The following KCNA5 variants were observed in gnomAD, a reference collection of about 807,000 sequenced individuals.
KCNA5 encodes the protein cardiac potassium channel.
KCNA5 carries 22 observed loss-of-function variants against 26.5 expected under a neutral mutation model. The observed-to-expected ratio is 0.83, with a 90% CI of 0.59 to 1.18. KCNA5 has a LOEUF of 1.18. Among genes scored for constraint, KCNA5 ranks in the 50% most tolerant of loss-of-function variants. The pLI is 0.00. For missense variants in KCNA5, 916 were observed against 843.2 expected, an observed-to-expected ratio of 1.09 and a Z score of -1.07; for synonymous variants, 465 against 372.8, an observed-to-expected ratio of 1.25 and a Z score of -2.85.
Position 5,044,563 on chromosome 12 carries a change from C to T in KCNA5, c.416C>T (p.Ala139Val). 5 of 1,613,958 alleles carry T rather than the reference C, an allele frequency of 3.1e-6. No individual in the cohort carries two copies. In the African/African-American group the frequency reaches 5.3e-5, roughly 17 times the overall value. ...LRFETQLGTL[A>V]QFPNTLLGDP... ...TTTGAGACGCAGCTGGGCACCCTGGCGCAGTTCCCCAACACACTCCTGGGG... is the reference window on the plus strand; with the variant it reads ...TTTGAGACGCAGCTGGGCACCCTGGTGCAGTTCCCCAACACACTCCTGGGG... Residue 139 changes from alanine to valine, a missense_variant, in exon 1 of 1, where the codon GCG becomes GTG. By Grantham distance (64) the Ala-to-Val change is moderately conservative. Transcript: ENST00000252321.
rs1483141253 is a variant in KCNA5 at position 5,044,969 on chromosome 12, G to A, written c.822G>A (p.Glu274=). ...IITFCLETLP[E]FRDERELLRH... ...CCTTCTGCTTGGAGACCCTGCCTGA[G>A]TTCAGGGATGAACGTGAGCTGCTCC... Residue 274 remains glutamate, a synonymous_variant, in exon 1 of 1, where the codon GAG becomes GAA. Transcript: ENST00000252321. The A allele has an allele frequency of 1.2e-6, 2 of 1,613,464 alleles. No individual in the cohort carries two copies. The highest frequency in any genetic ancestry group is 2.2e-5 in the East Asian group (1 of 44,768).
rs2137772784 is a variant in KCNA5 at position 5,045,082 on chromosome 12, T to TGGCACC, written c.937_942dup (p.Ala313_Pro314dup). 6.2e-7 allele frequency: 1 copy of TGGCACC among 1,613,116 alleles called. No individual in the cohort carries two copies. Among genetic ancestry groups the TGGCACC allele is most frequent in the East Asian group, 2.2e-5 (1 of 44,786 alleles). On this transcript the variant is annotated inframe_insertion, in exon 1 of 1. Coordinates refer to ENST00000252321, the MANE Select transcript of KCNA5 (RefSeq NM_002234.4). This position sits in a 1 kb window ranked among gnomAD's most constrained non-coding sequence, Gnocchi z 5.6. ...ATGGCCCCGCCCTCTGGCCCTACGG[T>TGGCACC]GGCACCGCTCCTGCCCAGGACCCTG...
rs1041575096 is a variant in KCNA5 at position 5,044,696 on chromosome 12, C to T, written c.549C>T (p.Gly183=). The T allele has an allele frequency of 9.9e-6, 16 of 1,614,158 alleles. No homozygotes were observed. Among genetic ancestry groups the T allele is most frequent in the Non-Finnish European group, 1.4e-5 (16 of 1,180,046 alleles). The stretch of plus-strand genomic sequence containing the variant: ...TCCTCTACTACTACCAGTCCGGGGG[C>T]CGCCTGCGGAGGCCGGTCAACGTCT... ...DGILYYYQSG[G]RLRRPVNVSL... is the part of the protein sequence containing the mutation. The change falls in exon 1 of 1, where the codon GGC becomes GGT. Residue 183 remains glycine (G), a synonymous_variant. Coordinates refer to ENST00000252321, the MANE Select transcript of KCNA5 (RefSeq NM_002234.4).
Position 5,044,110 on chromosome 12 carries a change from G to C in KCNA5, c.-38G>C. 1 of 1,532,304 alleles carries C rather than the reference G, an allele frequency of 6.5e-7. No homozygotes were observed. Among genetic ancestry groups the C allele is most frequent in the East Asian group, 2.4e-5 (1 of 40,844 alleles). 94.9% of individuals were successfully genotyped at this position (1,532,304 alleles called of 1,614,324 possible). ...AGCGTGAGTAGGGGGCGCGGGAGCCGGTCAGCTGGGGCGCAGCATGCCCTC... is the reference window on the plus strand; with the variant it reads ...AGCGTGAGTAGGGGGCGCGGGAGCCCGTCAGCTGGGGCGCAGCATGCCCTC... On this transcript the variant is annotated 5_prime_UTR_variant, in exon 1 of 1. Coordinates refer to ENST00000252321, the MANE Select transcript of KCNA5 (RefSeq NM_002234.4).
Position 5,045,196 on chromosome 12 carries a change from C to T in KCNA5, c.1049C>T (p.Ala350Val), listed in dbSNP as rs1372229102. ...CGCTTCTTCGCCTGCCCCAGCAAGGCAGGGTTCTCCCGGAACATCATGAAC... is the reference window on the plus strand; with the variant it reads ...CGCTTCTTCGCCTGCCCCAGCAAGGTAGGGTTCTCCCGGAACATCATGAAC... ...LVRFFACPSK[A>V]GFSRNIMNII... The change falls in exon 1 of 1, where the codon GCA becomes GTA. Residue 350 changes from alanine to valine, a missense_variant. Transcript: ENST00000252321. This position sits in a 1 kb window ranked among gnomAD's most constrained non-coding sequence, Gnocchi z 5.6. 6.2e-7 allele frequency: 1 copy of T among 1,614,098 alleles called. No individual in the cohort carries two copies. The highest frequency in any genetic ancestry group is 8.5e-7 in the Non-Finnish European group (1 of 1,180,050).
chr12:5,044,263 C>T lies in KCNA5; in HGVS notation c.116C>T (p.Thr39Met). 1 of 1,542,090 alleles carries T rather than the reference C, an allele frequency of 6.5e-7. No individual in the cohort carries two copies. Residue 39 changes from threonine (T) to methionine (M), a missense_variant, in exon 1 of 1, where the codon ACG becomes ATG. Transcript: ENST00000252321. Reference protein sequence around the residue: ...ATGGELQCPPTAGLSDGPKEP... With the variant: ...ATGGELQCPPMAGLSDGPKEP... ...GGGGGAGAGCTCCAGTGTCCCCCGA[C>T]GGCTGGGCTCAGCGATGGGCCCAAG...
Position 5,045,952 on chromosome 12 carries a change from C to T in KCNA5, c.1805C>T (p.Ala602Val). Residue 602 changes from alanine to valine, a missense_variant, in exon 1 of 1, where the codon GCC becomes GTC. Transcript: ENST00000252321. This position sits in a 1 kb window ranked among gnomAD's most constrained non-coding sequence, Gnocchi z 5.6. Reference protein sequence around the residue: ...SNVDLRRSLYALCLDTSRETD... With the variant: ...SNVDLRRSLYVLCLDTSRETD... ...GTGGACTTGCGGAGGTCCCTTTATG[C>T]CCTCTGCCTGGACACCAGCCGGGAA... The T allele has an allele frequency of 1.2e-6, 2 of 1,613,660 alleles. No individual in the cohort carries two copies. The highest frequency in any genetic ancestry group is 1.7e-6 in the Non-Finnish European group (2 of 1,180,028).
chr12:5,044,750 C>T lies in KCNA5; in HGVS notation c.603C>T (p.Arg201=). 6.2e-7 allele frequency: 1 copy of T among 1,614,172 alleles called. No homozygotes were observed. Among genetic ancestry groups the T allele is most frequent in the Non-Finnish European group, 8.5e-7 (1 of 1,180,040 alleles). Residue 201 remains arginine (R), a synonymous_variant, in exon 1 of 1, where the codon CGC becomes CGT. Transcript: ENST00000252321. ...VSLDVFADEI[R]FYQLGDEAME... is the part of the protein sequence containing the mutation. ...TGGACGTGTTCGCGGACGAGATACG[C>T]TTCTACCAGCTGGGGGACGAGGCCA...
chr12:5,044,117 T>G lies in KCNA5; in HGVS notation c.-31T>G, dbSNP rs1862740055. Reference sequence around the variant, plus strand: ...GTAGGGGGCGCGGGAGCCGGTCAGCTGGGGCGCAGCATGCCCTCTGCTCCC... The same window carrying G: ...GTAGGGGGCGCGGGAGCCGGTCAGCGGGGGCGCAGCATGCCCTCTGCTCCC... On this transcript the variant is annotated 5_prime_UTR_variant, in exon 1 of 1. Transcript: ENST00000252321. 2 of 1,533,078 alleles carry G rather than the reference T, an allele frequency of 1.3e-6. No homozygotes were observed. Among genetic ancestry groups the G allele is most frequent in the South Asian group, 2.4e-5 (2 of 83,934 alleles). 95.0% of individuals were successfully genotyped at this position (1,533,078 alleles called of 1,614,324 possible). A position where few individuals can be genotyped will look rare whatever the true frequency, so the allele number is the denominator to read the frequency against.
Position 5,045,850 on chromosome 12 carries a change from G to C in KCNA5, c.1703G>C (p.Gly568Ala), listed in dbSNP as rs71581017. The C allele has an allele frequency of 2.5e-6, 4 of 1,614,154 alleles. No homozygotes were observed. The highest frequency in any genetic ancestry group is 3.4e-6 in the Non-Finnish European group (4 of 1,180,008). ...GSRGSFCKAG[G>A]TLENADSARR... ...AGGGGATCCTTCTGCAAGGCTGGGG[G>C]GACCCTGGAGAATGCAGACAGTGCC... The change falls in exon 1 of 1, where the codon GGG (glycine) becomes GCG (alanine). Residue 568 changes from glycine to alanine, a missense_variant. Transcript: ENST00000252321. This position sits in a 1 kb window ranked among gnomAD's most constrained non-coding sequence, Gnocchi z 5.6.
At position 5,044,639 on chromosome 12, in the gene KCNA5, C is replaced by T. The variant is rs1862749939; in HGVS notation, c.492C>T (p.Phe164=). The change falls in exon 1 of 1, where the codon TTC becomes TTT. Residue 164 remains phenylalanine (F), a synonymous_variant. Coordinates refer to ENST00000252321, the MANE Select transcript of KCNA5 (RefSeq NM_002234.4). ...TCGACCCCCTGAGGAACGAGTACTT[C>T]TTCGACCGCAACCGGCCCAGCTTCG... The part of the protein sequence containing the change: ...RYFDPLRNEY[F]FDRNRPSFDG... The T allele has an allele frequency of 6.2e-7, 1 of 1,614,166 alleles. No individual in the cohort carries two copies. The highest frequency in any genetic ancestry group is 8.5e-7 in the Non-Finnish European group (1 of 1,180,048).
At position 5,046,584 on chromosome 12, in the gene KCNA5, GTC is replaced by G. The variant is rs1354098668; in HGVS notation, c.*597_*598del. The G allele has an allele frequency of 5.8e-6, 1 of 173,134 alleles. No homozygotes were observed. Among genetic ancestry groups the G allele is most frequent in the Non-Finnish European group, 1.4e-5 (1 of 71,360 alleles). 10.7% of individuals were successfully genotyped at this position (173,134 alleles called of 1,614,324 possible). A position where few individuals can be genotyped will look rare whatever the true frequency, so the allele number is the denominator to read the frequency against. On this transcript the variant is annotated 3_prime_UTR_variant, in exon 1 of 1. Coordinates refer to ENST00000252321, the MANE Select transcript of KCNA5 (RefSeq NM_002234.4). ...CTGTTTCCTGTGTCTCCAAGCCTCT[GTC>G]TTTTCTGGGATGTGGTATTGGTGCT... is the stretch of plus-strand genomic sequence containing the variant.
rs2137772258 is a variant in KCNA5, at chr12:5,044,791, A to G, written c.644A>G (p.Glu215Gly). The G allele has an allele frequency of 6.2e-7, 1 of 1,614,162 alleles. No individual in the cohort carries two copies. Among genetic ancestry groups the G allele is most frequent in the Non-Finnish European group, 8.5e-7 (1 of 1,180,028 alleles). Residue 215 changes from glutamate to glycine, a missense_variant, in exon 1 of 1, where the codon GAG becomes GGG. By Grantham distance (98) the Glu-to-Gly change is moderately conservative. Transcript: ENST00000252321. ...LGDEAMERFR[E>G]DEGFIKEEEK... ...GACGAGGCCATGGAGCGCTTCCGCG[A>G]GGATGAGGGCTTCATTAAAGAAGAG...
Position 5,045,190 on chromosome 12 carries a change from G to A in KCNA5, c.1043G>A (p.Ser348Asn), listed in dbSNP as rs755829081. Residue 348 changes from serine to asparagine, a missense_variant, in exon 1 of 1, where the codon AGC becomes AAC. Physicochemically the swap from Ser to Asn is conservative, Grantham distance 46. Transcript: ENST00000252321. This position sits in a 1 kb window ranked among gnomAD's most constrained non-coding sequence, Gnocchi z 5.6. ...ELLVRFFACP[S>N]KAGFSRNIMN... ...CTCGTGCGCTTCTTCGCCTGCCCCAGCAAGGCAGGGTTCTCCCGGAACATC... is the reference window on the plus strand; with the variant it reads ...CTCGTGCGCTTCTTCGCCTGCCCCAACAAGGCAGGGTTCTCCCGGAACATC... 1.2e-6 allele frequency: 2 copies of A among 1,614,202 alleles called. No individual in the cohort carries two copies. Among genetic ancestry groups the A allele is most frequent in the African/African-American group, 1.3e-5 (1 of 75,058 alleles).
chr12:5,044,821 A>G lies in KCNA5; in HGVS notation c.674A>G (p.Lys225Arg). ...GAGGGCTTCATTAAAGAAGAGGAGA[A>G]GCCCCTGCCCCGCAACGAGTTCCAG... ...EDEGFIKEEE[K>R]PLPRNEFQRQ... The change falls in exon 1 of 1, where the codon AAG becomes AGG. Residue 225 changes from lysine (K) to arginine (R), a missense_variant. By Grantham distance (26) the Lys-to-Arg change is conservative. Transcript: ENST00000252321. 1.2e-6 allele frequency: 2 copies of G among 1,614,072 alleles called. No homozygotes were observed. Among genetic ancestry groups the G allele is most frequent in the Non-Finnish European group, 1.7e-6 (2 of 1,180,024 alleles).
chr12:5,045,726 A>G lies in KCNA5; in HGVS notation c.1579A>G (p.Thr527Ala), dbSNP rs2137773768. The change falls in exon 1 of 1, where the codon ACG (threonine) becomes GCG (alanine). Residue 527 changes from threonine (T) to alanine (A), a missense_variant. By Grantham distance (58) the Thr-to-Ala change is moderately conservative (BLOSUM62 0). Coordinates refer to ENST00000252321, the MANE Select transcript of KCNA5 (RefSeq NM_002234.4). This position sits in a 1 kb window ranked among gnomAD's most constrained non-coding sequence, Gnocchi z 5.6. ...SNFNYFYHRE[T>A]DHEEPAVLKE... ...CTTCAACTACTTCTACCACCGGGAA[A>G]CGGATCACGAGGAGCCGGCAGTCCT... 1.2e-6 allele frequency: 2 copies of G among 1,614,108 alleles called. No individual in the cohort carries two copies. The highest frequency in any genetic ancestry group is 1.7e-6 in the Non-Finnish European group (2 of 1,180,020).
Position 5,045,212 on chromosome 12 carries a change from C to A in KCNA5, c.1065C>A (p.Asn355Lys). ...CCAGCAAGGCAGGGTTCTCCCGGAA[C>A]ATCATGAACATCATCGATGTGGTGG... ...ACPSKAGFSR[N>K]IMNIIDVVAI... Residue 355 changes from asparagine to lysine, a missense_variant, in exon 1 of 1, where the codon AAC (asparagine) becomes AAA (lysine). Transcript: ENST00000252321. The surrounding 1 kb of genome is among the most constrained non-coding windows in gnomAD (Gnocchi z 5.6). 6.2e-7 allele frequency: 1 copy of A among 1,614,230 alleles called. No homozygotes were observed. Among genetic ancestry groups the A allele is most frequent in the Non-Finnish European group, 8.5e-7 (1 of 1,180,040 alleles).
chr12:5,046,204 C>T lies in KCNA5; in HGVS notation c.*215C>T. 1 of 642,718 alleles carries T rather than the reference C, an allele frequency of 1.6e-6. No individual in the cohort carries two copies. The highest frequency in any genetic ancestry group is 1.8e-5 in the South Asian group (1 of 55,306). 39.8% of individuals were successfully genotyped at this position (642,718 alleles called of 1,614,324 possible). A position where few individuals can be genotyped will look rare whatever the true frequency, so the allele number is the denominator to read the frequency against. ...CCTATTTTTAAAAAGTACCACATTC[C>T]ATGACGCAGGAGCTGTGGAAATGGT... On this transcript the variant is annotated 3_prime_UTR_variant, in exon 1 of 1. Coordinates refer to ENST00000252321, the MANE Select transcript of KCNA5 (RefSeq NM_002234.4).
In KCNA5 at chr12:5,045,868, A is replaced by T. The variant is rs774618268; in HGVS notation, c.1721A>T (p.Asp574Val). Residue 574 changes from aspartate to valine, a missense_variant, in exon 1 of 1, where the codon GAC becomes GTC. Coordinates refer to ENST00000252321, the MANE Select transcript of KCNA5 (RefSeq NM_002234.4). The surrounding 1 kb of genome is among the most constrained non-coding windows in gnomAD (Gnocchi z 5.6). ...GCTGGGGGGACCCTGGAGAATGCAGACAGTGCCCGAAGGGGCAGCTGCCCC... is the reference window on the plus strand; with the variant it reads ...GCTGGGGGGACCCTGGAGAATGCAGTCAGTGCCCGAAGGGGCAGCTGCCCC... ...CKAGGTLENA[D>V]SARRGSCPLE... is the part of the protein sequence containing the mutation. 6.2e-7 allele frequency: 1 copy of T among 1,614,124 alleles called. No homozygotes were observed. The highest frequency in any genetic ancestry group is 1.1e-5 in the South Asian group (1 of 91,072).
Sources: gnomAD v4.1 joint callset for allele counts on GRCh38, gnomAD v4.1.1 for gene constraint, Gnocchi (gnomAD v3.1) non-coding constraint, MANE v1.5 for transcripts, NCBI Gene and HGNC (gene_info 2026-07-23, HGNC 2026-07-21) for gene names.